FAT2: variants seen among roughly 807,000 people sequenced by gnomAD.
FAT2 encodes FAT atypical cadherin 2, also known as protocadherin Fat 2.
FAT2 carries 150 observed loss-of-function variants against 295.3 expected under a neutral mutation model. The observed-to-expected ratio is 0.51, with a 90% confidence interval of 0.44 to 0.58. The LOEUF (loss-of-function observed/expected upper bound fraction) is 0.58. Ranked by LOEUF, FAT2 falls within the 20% of genes least tolerant of loss-of-function variation. The pLI is 0.00. For synonymous variants in FAT2, 2,026 were observed against 2,150.3 expected, an observed-to-expected ratio of 0.94 and a Z score of 1.60; for missense variants, 4,868 against 5,442.7, an observed-to-expected ratio of 0.89 and a Z score of 3.32.
intron 19 of FAT2, among the ~76,000 whole-genome samples, chr5:151,520,638 C>T (rs1312673625): frequency 6.6e-6 from 1 of 152,176 alleles, no homozygotes; most frequent in African/African-American, 2.4e-5. Context: ...CCGAACCCAA[C>T]TCCAGGAGGC....
chr5:151,532,396 CACACA>C (rs1286481240), intron 13 of FAT2, among the ~76,000 whole-genome samples: 3 of 35,180 alleles, frequency 8.5e-5, no homozygotes, highest in African/African-American at 2.1e-4. Context: ...CAAACACACA[CACACA>C]CACACACACA....
Position 151,507,325 on chromosome 5 carries a change from G to T in FAT2, c.12346C>A (p.Gln4116Lys). Residue 4116 changes from glutamine to lysine, a missense_variant, in exon 23 of 24, where the codon CAA becomes AAA. Transcript: ENST00000261800. The stretch of plus-strand genomic sequence containing the variant: ...ACAGAGGCCTTGCTGGGTTCCGGTT[G>T]GTTGAGGTTGTTGCAGGAGCTGGCA... ...LSASSCNNLN[Q>K]PEPSKASVPN... The T allele has an allele frequency of 6.2e-7, 1 of 1,614,188 alleles. No individual in the cohort carries two copies. Among genetic ancestry groups the T allele is most frequent in the Non-Finnish European group, 8.5e-7 (1 of 1,180,026 alleles).
intron 9 of FAT2, 96 bp downstream of exon 9, chr5:151,549,199 G>T (rs564919383): frequency 1.9e-4 from 220 of 1,137,138 alleles, no homozygotes; most frequent in Non-Finnish European, 2.7e-4. Context: ...TAATGAGCTT[G>T]GTACTTGATT....
intron 19 of FAT2, among the ~76,000 whole-genome samples, chr5:151,520,510 G>A (rs754566193): frequency 1.2e-4 from 18 of 152,174 alleles, no homozygotes; most frequent in African/African-American, 2.4e-4. Context: ...AGAGTGTGGC[G>A]TACAGCAGGC....
chr5:151,506,049 T>C lies in FAT2; in HGVS notation c.12566A>G (p.Glu4189Gly). The change falls in exon 24 of 24, where the codon GAA becomes GGA. Residue 4189 changes from glutamate to glycine, a missense_variant. Transcript: ENST00000261800. ...TTCGGAGTGGGGGTATTCCCAGCGT[T>C]CGTTCCTGGAGTAAGTAGGGGGCCA... ...MVWPPTYSRNERWEYPHSEVT... is the reference protein window; with the variant it reads ...MVWPPTYSRNGRWEYPHSEVT... 2 of 1,559,558 alleles carry C rather than the reference T, an allele frequency of 1.3e-6. No individual in the cohort carries two copies. The highest frequency in any genetic ancestry group is 1.7e-6 in the Non-Finnish European group (2 of 1,159,046).
intron 19 of FAT2, among the ~76,000 whole-genome samples, chr5:151,518,374 A>ATTATTATTATTATTATTATTATT (rs60093109): frequency 1.4e-5 from 2 of 147,396 alleles, no homozygotes; most frequent in South Asian, 2.2e-4. Flanking sequence ...TAATAATAAT[A>ATTATTATTATTATTATTATTATT]ATTTTTAAAA....
rs376943096 is a variant in FAT2 at position 151,505,952 on chromosome 5, G to T, written c.12663C>A (p.Gly4221=). Reference sequence around the variant, plus strand: ...GGGGGAAGGGGAAGCCCCCATAGAGGCCATTAGGCTCTGGCATCACGACTG... The same window carrying T: ...GGGGGAAGGGGAAGCCCCCATAGAGTCCATTAGGCTCTGGCATCACGACTG... ...STPVVMPEPN[G]LYGGFPFPLE... is the part of the protein sequence containing the mutation. Residue 4221 remains glycine (G), a synonymous_variant, in exon 24 of 24, where the codon GGC becomes GGA. Transcript: ENST00000261800. 4 of 1,575,622 alleles carry T rather than the reference G, an allele frequency of 2.5e-6. No homozygotes were observed. Among genetic ancestry groups the T allele is most frequent in the Admixed American group, 3.9e-5 (2 of 50,864 alleles).
rs77726120 is a variant in FAT2, at chr5:151,553,612, A to G, written c.3946-225T>C. ...CGTATAACCTGTGCTCAAGAACCTC[A>G]TGGTTAGTATAAAAATAATAAATGC... On this transcript the variant is annotated intron_variant, in intron 5 of 23. Coordinates refer to ENST00000261800, the MANE Select transcript of FAT2 (RefSeq NM_001447.3). Among the ~76,000 whole-genome samples, 26 of 152,354 alleles carry G rather than the reference A, an allele frequency of 1.7e-4. No individual in the cohort carries two copies. The East Asian group carries it at 4.8e-3, about 28-fold the overall frequency.
At chr5:151,511,167 AAG>A (rs1393212403) in intron 21 of FAT2, 1 of 152,318 alleles carries the variant, frequency 6.6e-6, no homozygotes, top group Non-Finnish European at 1.5e-5. Flanking sequence ...GCAATGGGGA[AAG>A]AGAGAAGTGA....
At position 151,566,105 on chromosome 5, in the gene FAT2, C is replaced by A. The variant is rs1404728339; in HGVS notation, c.2827G>T (p.Val943Phe). 6.2e-7 allele frequency: 1 copy of A among 1,614,152 alleles called. No individual in the cohort carries two copies. Among genetic ancestry groups the A allele is most frequent in the Non-Finnish European group, 8.5e-7 (1 of 1,180,028 alleles). The change falls in exon 2 of 24, where the codon GTC becomes TTC. Residue 943 changes from valine to phenylalanine, a missense_variant. Coordinates refer to ENST00000261800, the MANE Select transcript of FAT2 (RefSeq NM_001447.3). ...KVPEDLPPGT[V>F]LTFLDASDPD... The stretch of plus-strand genomic sequence containing the variant: ...TCAGAGGCATCCAGAAATGTCAAGA[C>A]AGTCCCGGGGGGCAGGTCCTCTGGA...
chr5:151,521,723 G>T lies in FAT2; in HGVS notation c.10870C>A (p.Gln3624Lys), dbSNP rs1171430591. 1 of 1,613,956 alleles carries T rather than the reference G, an allele frequency of 6.2e-7. No individual in the cohort carries two copies. Among genetic ancestry groups the T allele is most frequent in the Non-Finnish European group, 8.5e-7 (1 of 1,180,012 alleles). Residue 3624 changes from glutamine (Q) to lysine (K), a missense_variant, in exon 19 of 24, where the codon CAG becomes AAG. Coordinates refer to ENST00000261800, the MANE Select transcript of FAT2 (RefSeq NM_001447.3). ...CACATGGCCTGCTGCAGAGCCTCCT[G>T]CCCCACATGCCACACGTACACATGG... ...GVHVYVWHVG[Q>K]EALQQAMWMG...
In FAT2 at chr5:151,568,715, T is replaced by G; in HGVS notation, c.217A>C (p.Ile73Leu). Reference sequence around the variant, plus strand: ...ACATTGGCCACATCCCCAGAGATGATCCGGTACCTCACTGCCCACTGTGGC... The same window carrying G: ...ACATTGGCCACATCCCCAGAGATGAGCCGGTACCTCACTGCCCACTGTGGC... ...AEPQWAVRYR[I>L]ISGDVANVFK... The change falls in exon 2 of 24, where the codon ATC becomes CTC. Residue 73 changes from isoleucine (I) to leucine (L), a missense_variant. Ile to Leu is a conservative substitution (Grantham distance 5). This residue lies in a region of FAT2 where 3,297 missense variants were observed against 3,669.4 expected (regional missense o/e 0.90). Coordinates refer to ENST00000261800, the MANE Select transcript of FAT2 (RefSeq NM_001447.3). 1.9e-6 allele frequency: 3 copies of G among 1,614,152 alleles called. No individual in the cohort carries two copies. Among genetic ancestry groups the G allele is most frequent in the Non-Finnish European group, 8.5e-7 (1 of 1,180,030 alleles).
At position 151,568,377 on chromosome 5, in the gene FAT2, A is replaced by G. The variant is rs201622160; in HGVS notation, c.555T>C (p.Tyr185=). ...ACATCTCTGACCTTGTGTTAAAGGC[A>G]TAATAGAACTCAGCATTCTGGCCTA... is the stretch of plus-strand genomic sequence containing the variant. ...ADLGQNAEFY[Y]AFNTRSEMFA... is the part of the protein sequence containing the mutation. Residue 185 remains tyrosine, a synonymous_variant, in exon 2 of 24, where the codon TAT becomes TAC. Transcript: ENST00000261800. 1.2e-5 allele frequency: 19 copies of G among 1,614,212 alleles called. No homozygotes were observed. Among genetic ancestry groups the G allele is most frequent in the East Asian group, 4.5e-5 (2 of 44,892 alleles).
At chr5:151,590,223 G>A (rs1225904802) in intron 1 of FAT2, among the ~76,000 whole-genome samples, 1 of 152,206 alleles carries the variant, frequency 6.6e-6, no homozygotes, top group Non-Finnish European at 1.5e-5. Flanking sequence ...CAGGGCTGAA[G>A]GACTAGAAGC....
rs755490031 is a variant in FAT2 at position 151,521,524 on chromosome 5, G to C, written c.11069C>G (p.Ser3690Cys). 5 of 1,614,232 alleles carry C rather than the reference G, an allele frequency of 3.1e-6. No homozygotes were observed. Among genetic ancestry groups the C allele is most frequent in the Non-Finnish European group, 4.2e-6 (5 of 1,180,032 alleles). ...CTCCTGAAACTCGTAGAAGGTTCCA[G>C]AATGCCCCTCAAAGACCAGGAGCAC... ...VDVLLVFEGH[S>C]GTFYEFQELA... Residue 3690 changes from serine to cysteine, a missense_variant, in exon 19 of 24, where the codon TCT becomes TGT. Transcript: ENST00000261800.
intron 1 of FAT2, among the ~76,000 whole-genome samples, chr5:151,578,627 C>T (rs187501053): frequency 6.6e-6 from 1 of 152,262 alleles, no homozygotes; most frequent in Admixed American, 6.5e-5. Context: ...GGTATATATC[C>T]AAACGAAATG....
rs758483781 is a variant in FAT2 at position 151,542,872 on chromosome 5, C to T, written c.8255G>A (p.Arg2752Lys). ...LDPDTGVIKV[R>K]KPMDHESTKL... ...GGTGGATTCGTGGTCCATGGGCTTC[C>T]TCACCTTTATGACCCCTGTGTCTGG... The change falls in exon 10 of 24, where the codon AGG becomes AAG. Residue 2752 changes from arginine to lysine, a missense_variant. Transcript: ENST00000261800. 1.2e-6 allele frequency: 2 copies of T among 1,614,058 alleles called. No individual in the cohort carries two copies. Among genetic ancestry groups the T allele is most frequent in the African/African-American group, 1.3e-5 (1 of 74,926 alleles).
At chr5:151,571,403 C>G (rs1276819721) in intron 1 of FAT2, among the ~76,000 whole-genome samples, 1 of 152,274 alleles carries the variant, frequency 6.6e-6, no homozygotes, top group Non-Finnish European at 1.5e-5. Context: ...CCTGCCTGCC[C>G]TGCTGTGTGG....
intron 1 of FAT2, among the ~76,000 whole-genome samples, chr5:151,583,945 C>T (rs1319025848): frequency 1.6e-5 from 2 of 124,920 alleles, no homozygotes; most frequent in Non-Finnish European, 3.1e-5. Context: ...TTGCAGTGAG[C>T]TGAGATTGCA....
Sources: allele counts gnomAD v4.1 joint callset (sites outside exome capture counted in the v4.1 genomes callset), GRCh38; gene constraint gnomAD v4.1.1; regional missense constraint gnomAD v4.1.1; transcripts MANE v1.5; gene names NCBI Gene and HGNC (gene_info 2026-07-23, HGNC 2026-07-21).